CTIF: variants seen among roughly 807,000 people sequenced by gnomAD.
CTIF encodes CBP80/20-dependent translation initiation factor.
CTIF carries 21 observed loss-of-function variants against 66.0 expected under a neutral mutation model. The ratio of observed to expected loss-of-function variants is 0.32; its 90% confidence interval spans 0.23 to 0.46. The LOEUF (loss-of-function observed/expected upper bound fraction) is 0.46, where lower values mean the gene tolerates loss of function less well. Ranked by LOEUF, CTIF falls within the 20% of genes least tolerant of loss-of-function variation. The pLI is 1.00. For synonymous variants in CTIF, 345 were observed against 326.4 expected, an observed-to-expected ratio of 1.06 and a Z score of -0.62; for missense variants, 739 against 812.7, an observed-to-expected ratio of 0.91 and a Z score of 1.10.
At chr18:48,603,670 G>A (rs1425775393) in intron 1 of CTIF, among the ~76,000 whole-genome samples, 1 of 151,518 alleles carries the variant, frequency 6.6e-6, no homozygotes, top group Non-Finnish European at 1.5e-5. Flanking sequence ...TGAATGGTGG[G>A]TAGGTGGGTG....
chr18:48,719,894 A>G (rs1264742232), intron 7 of CTIF, among the ~76,000 whole-genome samples: 2 of 152,236 alleles, frequency 1.3e-5, no homozygotes, highest in Non-Finnish European at 2.9e-5. Context: ...TCACTCAGGC[A>G]TGAGTTATAG....
At chr18:48,634,679 A>T (rs1413919486) in intron 2 of CTIF, among the ~76,000 whole-genome samples, 3 of 152,212 alleles carry the variant, frequency 2.0e-5, no homozygotes, top group Non-Finnish European at 4.4e-5. Flanking sequence ...GCCCAGCCAG[A>T]AGCCAGCTGA....
intron 5 of CTIF, among the ~76,000 whole-genome samples, chr18:48,669,790 CATTT>C (rs1305635046): frequency 0.043 from 1,559 of 35,906 alleles, 384 homozygotes; most frequent in East Asian, 0.12. Flanking sequence ...ACAAGCTAAA[CATTT>C]ATATATATAT....
intron 6 of CTIF, among the ~76,000 whole-genome samples, chr18:48,706,810 G>A (rs1171696261): frequency 6.6e-6 from 1 of 152,186 alleles, no homozygotes; most frequent in Non-Finnish European, 1.5e-5. Context: ...GTACTCTGCC[G>A]GCGCTGCATG....
intron 8 of CTIF, among the ~76,000 whole-genome samples, chr18:48,758,903 A>G (rs1423789456): frequency 6.6e-6 from 1 of 152,174 alleles, no homozygotes; most frequent in African/African-American, 2.4e-5. Flanking sequence ...GGCTGATTCC[A>G]GCCTTCCTGT....
At chr18:48,631,802 T>A (rs987766472) in intron 2 of CTIF, among the ~76,000 whole-genome samples, 1 of 152,116 alleles carries the variant, frequency 6.6e-6, no homozygotes, top group Admixed American at 6.5e-5. Flanking sequence ...CCTTTTCAAG[T>A]AAGACACCAC....
chr18:48,756,891 C>G (rs1272570799), intron 7 of CTIF, among the ~76,000 whole-genome samples: 1 of 152,236 alleles, frequency 6.6e-6, no homozygotes, highest in East Asian at 1.9e-4. Context: ...CTACACCCAT[C>G]ATGTTAAATA....
chr18:48,830,738 C>A (rs1218677518), intron 10 of CTIF, among the ~76,000 whole-genome samples: 6 of 151,808 alleles, frequency 4.0e-5, no homozygotes, highest in South Asian at 2.1e-4. Context: ...TCAGACCCCC[C>A]CCCGACCACG....
chr18:48,736,963 G>A (rs1277852231), intron 7 of CTIF, among the ~76,000 whole-genome samples: 1 of 152,144 alleles, frequency 6.6e-6, no homozygotes, highest in Non-Finnish European at 1.5e-5. Flanking sequence ...TCAAACTGCT[G>A]CTTGACCCCT....
chr18:48,584,040 C>A lies in CTIF; in HGVS notation c.-28-35498C>A, dbSNP rs139607875. Among the ~76,000 whole-genome samples the A allele has an allele frequency of 3.6e-4, 55 of 152,304 alleles. No homozygotes were observed. In the East Asian group the frequency reaches 0.01, roughly 29 times the overall value. On this transcript the variant is annotated intron_variant, in intron 1 of 11. Coordinates refer to ENST00000256413, the MANE Select transcript of CTIF (RefSeq NM_014772.3). ...AGAATCGGAAATAGACATCTCTTAT[C>A]TTGGTGGATGAATTTTGAAGAAAGC...
At chr18:48,803,045 C>G (rs2068077692) in intron 9 of CTIF, among the ~76,000 whole-genome samples, 2 of 152,250 alleles carry the variant, frequency 1.3e-5, no homozygotes. Flanking sequence ...CTGGATCAGC[C>G]TGACTTCTCA....
At chr18:48,690,280 C>T (rs1422179128) in intron 6 of CTIF, among the ~76,000 whole-genome samples, 2 of 152,190 alleles carry the variant, frequency 1.3e-5, no homozygotes, top group Non-Finnish European at 2.9e-5. Context: ...GTCCTCCTTG[C>T]CCCTTGGCTG....
At chr18:48,543,094 C>T (rs1371557626) in intron 1 of CTIF, among the ~76,000 whole-genome samples, 1 of 152,220 alleles carries the variant, frequency 6.6e-6, no homozygotes, top group East Asian at 1.9e-4. Flanking sequence ...ATCCCAAACT[C>T]ACCGTCTGGT....
At chr18:48,557,037 G>T (rs1407217157) in intron 1 of CTIF, among the ~76,000 whole-genome samples, 2 of 152,158 alleles carry the variant, frequency 1.3e-5, no homozygotes, top group Admixed American at 1.3e-4. Flanking sequence ...GGAAAGGATG[G>T]CTGTTCTTAT....
At chr18:48,734,452 G>T (rs967691345) in intron 7 of CTIF, among the ~76,000 whole-genome samples, 2 of 152,194 alleles carry the variant, frequency 1.3e-5, no homozygotes, top group African/African-American at 2.4e-5. Context: ...TGTAGTCCCC[G>T]CTACTCGGGA....
At chr18:48,700,005 C>A (rs543894878) in intron 6 of CTIF, among the ~76,000 whole-genome samples, 1 of 152,322 alleles carries the variant, frequency 6.6e-6, no homozygotes, top group South Asian at 2.1e-4. Context: ...CTGCTGCTCT[C>A]GCCTTCACTG....
intron 9 of CTIF, among the ~76,000 whole-genome samples, chr18:48,771,155 G>A (rs1307590637): frequency 6.6e-6 from 1 of 152,184 alleles, no homozygotes; most frequent in Non-Finnish European, 1.5e-5. Flanking sequence ...CCCAGCCCAG[G>A]GACCTCACCT....
rs373266967 is a variant in CTIF, at chr18:48,818,363, G to A, written c.1527+987G>A. Among the ~76,000 whole-genome samples the A allele has an allele frequency of 2.0e-4, 30 of 152,350 alleles. No individual in the cohort carries two copies. In the East Asian group the frequency reaches 2.9e-3, roughly 15 times the overall value. On this transcript the variant is annotated intron_variant, in intron 10 of 11. Transcript: ENST00000256413. Reference sequence around the variant, plus strand: ...TCGGTAATGTGAGTTGGAGGGAAGGGAGGAGGGGACATGGGCTCCCCGTTT... The same window carrying A: ...TCGGTAATGTGAGTTGGAGGGAAGGAAGGAGGGGACATGGGCTCCCCGTTT...
At chr18:48,570,320 T>C (rs1288147442) in intron 1 of CTIF, among the ~76,000 whole-genome samples, 1 of 152,228 alleles carries the variant, frequency 6.6e-6, no homozygotes, top group African/African-American at 2.4e-5. Flanking sequence ...GAAATGGGGC[T>C]TTAATAAAGC....
Sources: gnomAD v4.1 joint callset for allele counts (sites outside exome capture counted in the v4.1 genomes callset) on GRCh38, gnomAD v4.1.1 for gene constraint, MANE v1.5 for transcripts, NCBI Gene and HGNC (gene_info 2026-07-23, HGNC 2026-07-21) for gene names.